CLEC16A: variants seen among roughly 807,000 people sequenced by gnomAD.
The protein encoded by CLEC16A is protein CLEC16A.
In CLEC16A, 51 loss-of-function variants were observed where a neutral mutation model predicts 109.5. That is an observed-to-expected ratio of 0.47 (90% CI 0.37 to 0.59). The LOEUF (loss-of-function observed/expected upper bound fraction) is 0.59, where lower values mean the gene tolerates loss of function less well. CLEC16A is among the 20% of genes least tolerant of loss of function. The pLI is 0.00. For synonymous variants in CLEC16A, 673 were observed against 564.2 expected (o/e 1.19, Z -2.73); for missense variants, 1,339 against 1,394.0 (o/e 0.96, Z 0.63).
chr16:10,962,512 G>T lies in CLEC16A; in HGVS notation c.267G>T (p.Ser89=), dbSNP rs138153502. The T allele has an allele frequency of 3.0e-4, 490 of 1,613,876 alleles. No individual in the cohort carries two copies. The African/African-American group carries it at 5.8e-3, about 19-fold the overall frequency. Residue 89 remains serine, a synonymous_variant, in exon 3 of 24, where the codon TCG becomes TCT. Coordinates refer to ENST00000409790, the MANE Select transcript of CLEC16A (RefSeq NM_015226.3). ...TCTTGAACATCTTGCGGCAAAAGTCGGGCCGTTACGTGTGCGTTCAGCTGC... is the reference window on the plus strand; with the variant it reads ...TCTTGAACATCTTGCGGCAAAAGTCTGGCCGTTACGTGTGCGTTCAGCTGC... The part of the protein sequence containing the change: ...VFFLNILRQK[S]GRYVCVQLLQ...
chr16:10,950,942 G>A (rs1481415889), intron 1 of CLEC16A, among the ~76,000 whole-genome samples: 1 of 152,204 alleles, frequency 6.6e-6, no homozygotes, highest in Non-Finnish European at 1.5e-5. Flanking sequence ...TCATTATGGT[G>A]CAAGGCATAG....
intron 19 of CLEC16A, among the ~76,000 whole-genome samples, chr16:11,063,687 C>T (rs2048612973): frequency 6.6e-6 from 1 of 152,154 alleles, no homozygotes; most frequent in African/African-American, 2.4e-5. Context: ...TGACCAGCAG[C>T]AGGTCTCTCG....
Position 10,957,775 on chromosome 16 carries a change from C to T in CLEC16A, c.81-7C>T. 1 of 1,613,752 alleles carries T rather than the reference C, an allele frequency of 6.2e-7. No homozygotes were observed. The highest frequency in any genetic ancestry group is 8.5e-7 in the Non-Finnish European group (1 of 1,179,704). Reference sequence around the variant, plus strand: ...CCTTTAATTTCCTTTTCTCTCATTTCTCTCAGGTATCTGTACCACGTTTTG... The same window carrying T: ...CCTTTAATTTCCTTTTCTCTCATTTTTCTCAGGTATCTGTACCACGTTTTG... On this transcript the variant is annotated splice_polypyrimidine_tract_variant and splice_region_variant and intron_variant, in intron 1 of 23. Transcript: ENST00000409790.
chr16:10,966,262 G>A (rs2042501092), intron 3 of CLEC16A, among the ~76,000 whole-genome samples: 1 of 152,210 alleles, frequency 6.6e-6, no homozygotes, highest in Non-Finnish European at 1.5e-5. Flanking sequence ...ACAGCAACCT[G>A]GAAAGCCCTC....
chr16:11,008,608 C>CT (rs375164138), intron 11 of CLEC16A, among the ~76,000 whole-genome samples: 20 of 150,860 alleles, frequency 1.3e-4, no homozygotes, highest in African/African-American at 3.4e-4. Flanking sequence ...TCCCTGCTCC[C>CT]TTTTTTTTTC....
intron 19 of CLEC16A, among the ~76,000 whole-genome samples, chr16:11,075,042 G>A (rs1238384051): frequency 6.6e-6 from 1 of 152,136 alleles, no homozygotes; most frequent in Non-Finnish European, 1.5e-5. Context: ...AGTGAGTAAT[G>A]ATTGCACCAC....
At chr16:11,163,925 C>G (rs2054812985) in intron 22 of CLEC16A, among the ~76,000 whole-genome samples, 1 of 152,180 alleles carries the variant, frequency 6.6e-6, no homozygotes, top group Non-Finnish European at 1.5e-5. Flanking sequence ...GGCAAGTAAA[C>G]AGCTTGTAAA....
intron 11 of CLEC16A, among the ~76,000 whole-genome samples, chr16:11,005,707 C>T (rs1018986605): frequency 5.3e-5 from 8 of 152,182 alleles, no homozygotes; most frequent in Non-Finnish European, 8.8e-5. Flanking sequence ...TCTCCTTAGA[C>T]GGTATCTGTG....
At chr16:10,950,763 G>T (rs2041687471) in intron 1 of CLEC16A, among the ~76,000 whole-genome samples, 1 of 152,226 alleles carries the variant, frequency 6.6e-6, no homozygotes, top group African/African-American at 2.4e-5. Flanking sequence ...TACAGGCTCT[G>T]TGTCTCCCAT....
At chr16:11,050,863 G>A (rs1417385867) in intron 17 of CLEC16A, among the ~76,000 whole-genome samples, 2 of 152,222 alleles carry the variant, frequency 1.3e-5, no homozygotes, top group African/African-American at 4.8e-5. Context: ...AGATGTGAAG[G>A]GGACAAGGAA....
chr16:11,044,016 C>T lies in CLEC16A; in HGVS notation c.1771-12C>T. The T allele has an allele frequency of 6.3e-7, 1 of 1,596,172 alleles. No homozygotes were observed. The highest frequency in any genetic ancestry group is 8.5e-7 in the Non-Finnish European group (1 of 1,170,286). On this transcript the variant is annotated splice_polypyrimidine_tract_variant and intron_variant, in intron 15 of 23. Coordinates refer to ENST00000409790, the MANE Select transcript of CLEC16A (RefSeq NM_015226.3). ...GACCTGCCTCCTTCACACCTTCCTT[C>T]TCTTTTAACAGGGTGCGAGAGAAGA...
rs1412345972 is a variant in CLEC16A, at chr16:10,971,250, T to A, written c.598+20T>A. The A allele has an allele frequency of 2.6e-6, 4 of 1,551,634 alleles. No individual in the cohort carries two copies. The South Asian group carries it at 3.4e-5, about 13-fold the overall frequency. On this transcript the variant is annotated intron_variant, in intron 5 of 23. Transcript: ENST00000409790. ...ATAAAGGTAAGTGTCCTCATGGGCTTGTGTCTCGGCTGATTTCTGACTTGG... is the reference window on the plus strand; with the variant it reads ...ATAAAGGTAAGTGTCCTCATGGGCTAGTGTCTCGGCTGATTTCTGACTTGG...
At chr16:11,134,318 AAGT>A (rs1308805284) in intron 22 of CLEC16A, among the ~76,000 whole-genome samples, 1 of 151,938 alleles carries the variant, frequency 6.6e-6, no homozygotes, top group Non-Finnish European at 1.5e-5. Context: ...CTATTTCTGG[AAGT>A]GTGAGCTATA....
At chr16:10,965,758 A>G (rs2042471438) in intron 3 of CLEC16A, among the ~76,000 whole-genome samples, 1 of 152,212 alleles carries the variant, frequency 6.6e-6, no homozygotes, top group Admixed American at 6.5e-5. Flanking sequence ...GTGAGGGGGT[A>G]GTAGAAAAAT....
intron 17 of CLEC16A, among the ~76,000 whole-genome samples, chr16:11,050,429 G>A (rs1339975955): frequency 1.3e-5 from 2 of 152,212 alleles, no homozygotes; most frequent in Non-Finnish European, 2.9e-5. Context: ...GGGGAAAGTG[G>A]TATGTTTGAA....
At chr16:11,148,662 T>C (rs777428011) in intron 22 of CLEC16A, among the ~76,000 whole-genome samples, 24 of 152,166 alleles carry the variant, frequency 1.6e-4, no homozygotes, top group Non-Finnish European at 2.5e-4. Context: ...ATTATGCGCC[T>C]CCGTTTCCCT....
intron 10 of CLEC16A, among the ~76,000 whole-genome samples, chr16:10,988,570 G>C (rs1041172408): frequency 2.6e-5 from 4 of 152,318 alleles, no homozygotes; most frequent in African/African-American, 9.6e-5. Flanking sequence ...ATGACTCTCA[G>C]AGCAGAAGTC....
chr16:11,167,408 T>C (rs1322249148), intron 23 of CLEC16A, among the ~76,000 whole-genome samples: 1 of 152,114 alleles, frequency 6.6e-6, no homozygotes, highest in African/African-American at 2.4e-5. Flanking sequence ...GAGCCCTCAC[T>C]CATCATATTT....
In CLEC16A at chr16:10,984,984, C is replaced by T. The variant is rs561968588; in HGVS notation, c.1071+1993C>T. Among the ~76,000 whole-genome samples the T allele has an allele frequency of 4.6e-5, 7 of 152,034 alleles. No individual in the cohort carries two copies. In the South Asian group the frequency reaches 1.2e-3, roughly 27 times the overall value. On this transcript the variant is annotated intron_variant, in intron 10 of 23. Transcript: ENST00000409790. ...TGGGAGGCCGAGGCGGGCAGATCAC[C>T]GGGTCAGGAGATCGAGACCATCCTG...
Sources: allele counts gnomAD v4.1 joint callset (sites outside exome capture counted in the v4.1 genomes callset), GRCh38; gene constraint gnomAD v4.1.1; transcripts MANE v1.5; gene names NCBI Gene and HGNC (gene_info 2026-07-23, HGNC 2026-07-21).